Variants in LRRC4C observed in about 807,000 individuals in gnomAD.
The protein encoded by LRRC4C is leucine-rich repeat-containing protein 4C.
In LRRC4C, 5 loss-of-function variants were observed where a neutral mutation model predicts 33.6. The ratio of observed to expected loss-of-function variants is 0.15; its 90% CI spans 0.08 to 0.31. The LOEUF (loss-of-function observed/expected upper bound fraction) is 0.31, where lower values mean the gene tolerates loss of function less well. Ranked by LOEUF, LRRC4C falls within the 10% of genes least tolerant of loss-of-function variation. The pLI is 1.00. For missense variants in LRRC4C, 560 were observed against 796.7 expected (o/e 0.70, Z 3.58); for synonymous variants, 329 against 302.0 (o/e 1.09, Z -0.93).
intron 2 of LRRC4C, among the ~76,000 whole-genome samples, chr11:40,668,529 T>C (rs889381370): frequency 6.6e-6 from 1 of 152,190 alleles, no homozygotes; most frequent in African/African-American, 2.4e-5. Flanking sequence ...TCCTTGTCTC[T>C]AAAGCCAGAA....
chr11:40,796,516 C>T (rs966567674), intron 2 of LRRC4C, among the ~76,000 whole-genome samples: 3 of 151,224 alleles, frequency 2.0e-5, no homozygotes, highest in African/African-American at 7.3e-5. Flanking sequence ...GCATGTACAA[C>T]AGCAAGAATC....
intron 2 of LRRC4C, among the ~76,000 whole-genome samples, chr11:40,879,048 A>G (rs1322814978): frequency 6.6e-6 from 1 of 152,162 alleles, no homozygotes; most frequent in East Asian, 1.9e-4. Context: ...CTTTAAAAAC[A>G]TATCATCTAT....
chr11:40,415,132 C>T (rs1034501413), intron 3 of LRRC4C, among the ~76,000 whole-genome samples: 4 of 152,048 alleles, frequency 2.6e-5, no homozygotes, highest in African/African-American at 4.8e-5. Context: ...GACCTCGTGC[C>T]GTTTGTGGCT....
At chr11:40,506,011 A>G (rs1243648854) in intron 3 of LRRC4C, among the ~76,000 whole-genome samples, 1 of 152,144 alleles carries the variant, frequency 6.6e-6, no homozygotes, top group East Asian at 1.9e-4. Context: ...ATTGTTACAT[A>G]GTGAATTCAA....
chr11:40,431,725 C>A (rs576723272), intron 3 of LRRC4C, among the ~76,000 whole-genome samples: 26 of 152,268 alleles, frequency 1.7e-4, no homozygotes, highest in South Asian at 6.2e-4. Context: ...CATAGCAATA[C>A]CAGCACCAGA....
At chr11:40,336,828 T>A (rs925968309) in intron 3 of LRRC4C, among the ~76,000 whole-genome samples, 2 of 151,276 alleles carry the variant, frequency 1.3e-5, no homozygotes, top group Admixed American at 1.3e-4. Flanking sequence ...TACAAAAAAA[T>A]TAGTCGGGAG....
chr11:40,358,226 G>A (rs1366351025), intron 3 of LRRC4C, among the ~76,000 whole-genome samples: 1 of 151,834 alleles, frequency 6.6e-6, no homozygotes, highest in Admixed American at 6.6e-5. Flanking sequence ...CAACAAAAAA[G>A]GAAATAGAGA....
At chr11:41,449,164 C>T (rs987257418) in intron 1 of LRRC4C, among the ~76,000 whole-genome samples, 2 of 152,094 alleles carry the variant, frequency 1.3e-5, no homozygotes, top group East Asian at 1.9e-4. Context: ...TACTTAAAAC[C>T]GTGTAAGTGT....
At chr11:41,387,024 C>G (rs1010402506) in intron 1 of LRRC4C, among the ~76,000 whole-genome samples, 29 of 151,662 alleles carry the variant, frequency 1.9e-4, no homozygotes, top group African/African-American at 7.0e-4. Flanking sequence ...CTACATGTGT[C>G]CACCATGTAC....
intron 1 of LRRC4C, among the ~76,000 whole-genome samples, chr11:40,953,801 T>G (rs1958828717): frequency 6.6e-6 from 1 of 151,920 alleles, no homozygotes; most frequent in South Asian, 2.1e-4. Context: ...GTTCTAAAGC[T>G]GCAGTCAAGT....
intron 3 of LRRC4C, among the ~76,000 whole-genome samples, chr11:40,615,670 C>G (rs1467524655): frequency 2.6e-5 from 4 of 151,676 alleles, no homozygotes; most frequent in Non-Finnish European, 5.9e-5. Flanking sequence ...TTGACAGAAT[C>G]TATTAAAATT....
At chr11:40,277,727 C>T (rs544580093) in intron 4 of LRRC4C, among the ~76,000 whole-genome samples, 1 of 152,152 alleles carries the variant, frequency 6.6e-6, no homozygotes, top group South Asian at 2.1e-4. Context: ...TTCCCTTTCT[C>T]ACCTTTAAAA....
intron 1 of LRRC4C, among the ~76,000 whole-genome samples, chr11:41,118,181 C>T (rs533759679): frequency 2.0e-5 from 3 of 152,242 alleles, no homozygotes; most frequent in African/African-American, 4.8e-5. Context: ...TCACCCTTGA[C>T]CAATATATCC....
At chr11:40,474,053 A>T (rs138275189) in intron 3 of LRRC4C, among the ~76,000 whole-genome samples, 21,394 of 151,990 alleles carry the variant, frequency 0.14, 1,580 homozygotes, top group Admixed American at 0.15. Context: ...ATTCAATGCT[A>T]TTCCATCAAG....
chr11:41,211,702 T>C (rs985805411), intron 1 of LRRC4C, among the ~76,000 whole-genome samples: 9 of 152,230 alleles, frequency 5.9e-5, no homozygotes, highest in Non-Finnish European at 1.2e-4. Flanking sequence ...GGTGTATATG[T>C]GCCACATTTT....
chr11:40,644,978 C>G (rs1368396451), intron 3 of LRRC4C, among the ~76,000 whole-genome samples: 1 of 151,514 alleles, frequency 6.6e-6, no homozygotes, highest in Non-Finnish European at 1.5e-5. Context: ...TGTGAATGTA[C>G]AATTATTTAA....
intron 3 of LRRC4C, among the ~76,000 whole-genome samples, chr11:40,560,090 C>A (rs1343899011): frequency 6.6e-6 from 1 of 152,066 alleles, no homozygotes; most frequent in Non-Finnish European, 1.5e-5. Context: ...CTATGGCCTG[C>A]CTGAAGAGTT....
intron 1 of LRRC4C, among the ~76,000 whole-genome samples, chr11:41,247,785 G>T (rs1948501420): frequency 6.6e-6 from 1 of 152,230 alleles, no homozygotes; most frequent in Non-Finnish European, 1.5e-5. Context: ...TGGCTGAGTT[G>T]TAGTAAATTT....
intron 4 of LRRC4C, among the ~76,000 whole-genome samples, chr11:40,269,731 T>C (rs1378421930): frequency 6.6e-6 from 1 of 150,598 alleles, no homozygotes; most frequent in Non-Finnish European, 1.5e-5. Flanking sequence ...TGATTTTGTG[T>C]ACTTCAAGGG....
Sources: gnomAD v4.1 joint callset for allele counts (sites outside exome capture counted in the v4.1 genomes callset) on GRCh38, gnomAD v4.1.1 for gene constraint, MANE v1.5 for transcripts, NCBI Gene and HGNC (gene_info 2026-07-23, HGNC 2026-07-21) for gene names.